ATP7A: variants seen among roughly 807,000 people sequenced by gnomAD.
The protein encoded by ATP7A is copper-transporting ATPase 1.
Under a neutral mutation model 83.5 loss-of-function variants are expected in ATP7A, and 7 were observed. The ratio of observed to expected loss-of-function variants is 0.08; its 90% CI spans 0.05 to 0.16. ATP7A has a LOEUF of 0.16. ATP7A is among the 10% of genes least tolerant of loss of function. The pLI, the probability that ATP7A is intolerant of heterozygous loss-of-function variation, is 1.00. For missense variants in ATP7A, 940 were observed against 1,120.8 expected (o/e 0.84, Z 2.30); for synonymous variants, 354 against 395.2 (o/e 0.90, Z 1.24).
chrX:77,998,391 G>T (rs1463658612), intron 4 of ATP7A, 87 bp from the exon 5 acceptor site: 44 of 915,907 alleles, frequency 4.8e-5, no homozygotes, highest in Non-Finnish European at 6.7e-5. Flanking sequence ...GATTGTCAGT[G>T]CCTGGAGGTA....
At chrX:77,975,034 C>G (rs1243510803) in intron 2 of ATP7A, among the ~76,000 whole-genome samples, 1 of 112,382 alleles carries the variant, frequency 8.9e-6, no homozygotes, top group Non-Finnish European at 1.9e-5. Flanking sequence ...TACCCATCAC[C>G]TAGAAAAATC....
At position 78,046,682 on chromosome X, in the gene ATP7A, T is replaced by TAG. The variant is rs2078085445; in HGVS notation, c.*113_*114dup. On this transcript the variant is annotated 3_prime_UTR_variant, in exon 23 of 23. Transcript: ENST00000341514. Reference sequence around the variant, plus strand: ...AAGGATTTTTCTCATGCTCTTATATTAGGGATTCTATTTGAGTTGCGTTTA... The same window carrying TAG: ...AAGGATTTTTCTCATGCTCTTATATTAGAGGGATTCTATTTGAGTTGCGTTTA... 1 of 1,013,531 alleles carries TAG rather than the reference T, an allele frequency of 9.9e-7. No individual in the cohort carries two copies. The highest frequency in any genetic ancestry group is 1.9e-5 in the African/African-American group (1 of 53,324). The allele number at this position is 1,013,531 out of a possible 1,213,427, so 83.5% of individuals were successfully genotyped here.
chrX:78,021,660 A>C (rs2077906387), intron 14 of ATP7A, among the ~76,000 whole-genome samples: 1 of 111,792 alleles, frequency 8.9e-6, no homozygotes, highest in African/African-American at 3.3e-5. Context: ...AATTAGATAT[A>C]TAAACTTTAA....
chrX:78,006,725 C>T (rs1466930011), intron 6 of ATP7A, among the ~76,000 whole-genome samples: 1 of 112,096 alleles, frequency 8.9e-6, no homozygotes, highest in Non-Finnish European at 1.9e-5. Flanking sequence ...CTATTCTGGA[C>T]ATTTCATATA....
At chrX:77,952,079 G>A (rs2077416668) in intron 1 of ATP7A, among the ~76,000 whole-genome samples, 2 of 111,808 alleles carry the variant, frequency 1.8e-5, no homozygotes, top group Admixed American at 1.9e-4. Flanking sequence ...CTGCACCACA[G>A]TTTATTTATC....
In ATP7A at chrX:77,988,719, CAG is replaced by C. The variant is rs1557231665; in HGVS notation, c.599_600del (p.Gln200ProfsTer3). The C allele has an allele frequency of 8.3e-7, 1 of 1,210,783 alleles. No homozygotes were observed. Among genetic ancestry groups the C allele is most frequent in the Non-Finnish European group, 1.1e-6 (1 of 895,055 alleles). On this transcript the variant is annotated frameshift_variant, in exon 3 of 23. Coordinates refer to ENST00000341514, the MANE Select transcript of ATP7A (RefSeq NM_000052.7). LOFTEE classifies it high-confidence loss of function. ...AAAAATTGGGAAACTGCAAGGTGTT[CAG>C]CGAATTAAAGGTAATGTGTCTGGTG... is the stretch of plus-strand genomic sequence containing the variant. ...EGKIGKLQGV[Q>X]RIKVSLDNQE... is the part of the protein sequence containing the mutation.
intron 1 of ATP7A, among the ~76,000 whole-genome samples, chrX:77,946,226 C>T (rs189199448): frequency 2.8e-5 from 3 of 106,939 alleles, no homozygotes; most frequent in Non-Finnish European, 3.9e-5. Flanking sequence ...CACTTGAACC[C>T]GGGAGGCAGA....
chrX:77,972,658 A>C (rs1172735026), intron 2 of ATP7A, among the ~76,000 whole-genome samples: 1 of 110,992 alleles, frequency 9.0e-6, no homozygotes, highest in African/African-American at 3.3e-5. Flanking sequence ...GCTGCATGCC[A>C]GCTAATTTTT....
intron 1 of ATP7A, among the ~76,000 whole-genome samples, chrX:77,958,664 G>C (rs1228875658): frequency 9.1e-6 from 1 of 110,316 alleles, no homozygotes; most frequent in African/African-American, 3.3e-5. Context: ...ATTGCATTAA[G>C]TCTATAGATT....
At chrX:78,043,807 G>A (rs191464336) in intron 21 of ATP7A, among the ~76,000 whole-genome samples, 3 of 105,375 alleles carry the variant, frequency 2.8e-5, no homozygotes, top group East Asian at 3.1e-4. Flanking sequence ...ATAGGTGCCC[G>A]CCACAACGCC....
intron 1 of ATP7A, among the ~76,000 whole-genome samples, chrX:77,948,317 G>A (rs962876334): frequency 2.8e-5 from 3 of 108,981 alleles, no homozygotes; most frequent in African/African-American, 6.7e-5. Flanking sequence ...TTTAGTAGAC[G>A]GGGTTTCACC....
At chrX:77,931,870 G>C (rs781876232) in intron 1 of ATP7A, among the ~76,000 whole-genome samples, 19 of 94,460 alleles carry the variant, frequency 2.0e-4, no homozygotes, top group Admixed American at 5.5e-4. Flanking sequence ...GGGCAGAGGG[G>C]CTCCTCACTT....
rs184074624 is a variant in ATP7A, at chrX:77,970,603, C to T, written c.-21-1018C>T. 4.5e-5 allele frequency among the ~76,000 whole-genome samples: 5 copies of T among 111,577 alleles called. No individual in the cohort carries two copies. The East Asian group carries it at 1.4e-3, about 31-fold the overall frequency. ...AGGAGAATCACTTCAACCCGGGAGG[C>T]GGAAGTTGCAGTGAACTGAGATCGT... On this transcript the variant is annotated intron_variant, in intron 1 of 22. Transcript: ENST00000341514.
intron 19 of ATP7A, among the ~76,000 whole-genome samples, chrX:78,041,589 T>C (rs1295408695): frequency 9.0e-6 from 1 of 110,779 alleles, no homozygotes; most frequent in Non-Finnish European, 1.9e-5. Flanking sequence ...AACACCTTCT[T>C]ATGTAAAAAA....
chrX:78,041,201 A>T (rs1445617589), intron 19 of ATP7A, among the ~76,000 whole-genome samples: 1 of 111,545 alleles, frequency 9.0e-6, no homozygotes, highest in Admixed American at 9.6e-5. Flanking sequence ...AAAATTTTTC[A>T]ATCTTTTTAA....
At chrX:78,029,137 G>T in intron 14 of ATP7A, 113 bp from the exon 15 acceptor site, 1 of 791,665 alleles carries the variant, frequency 1.3e-6, no homozygotes, top group Non-Finnish European at 1.9e-6. Flanking sequence ...AGGTAGCTAG[G>T]TAGGATATGT....
intron 1 of ATP7A, chrX:77,969,172 G>C (rs782085897): frequency 8.3e-7 from 1 of 1,211,255 alleles, no homozygotes; most frequent in Non-Finnish European, 1.1e-6. Context: ...AGTATCCTTC[G>C]GACTCTCATA....
At chrX:77,927,588 C>T (rs1416250415) in intron 1 of ATP7A, among the ~76,000 whole-genome samples, 1 of 111,639 alleles carries the variant, frequency 9.0e-6, no homozygotes, top group Non-Finnish European at 1.9e-5. Context: ...TGTACCTTTC[C>T]TCCCCTTTGA....
At chrX:78,000,530 C>T (rs868909809) in intron 5 of ATP7A, among the ~76,000 whole-genome samples, 3 of 108,302 alleles carry the variant, frequency 2.8e-5, no homozygotes, top group Non-Finnish European at 5.7e-5. Context: ...GGAGTCACTA[C>T]ATTCATTTTG....
Sources: gnomAD v4.1 joint callset for allele counts (sites outside exome capture counted in the v4.1 genomes callset) on GRCh38, gnomAD v4.1.1 for gene constraint, MANE v1.5 for transcripts, NCBI Gene and HGNC (gene_info 2026-07-23, HGNC 2026-07-21) for gene names.